Variants in MRC2 observed in about 807,000 individuals in gnomAD.
MRC2 encodes C-type mannose receptor 2.
A neutral mutation model predicts 206.2 loss-of-function variants in MRC2; 84 were observed. The observed-to-expected ratio is 0.41, with a 90% CI of 0.34 to 0.49. The LOEUF is 0.49. Among genes scored for constraint, MRC2 ranks in the 20% least tolerant of loss-of-function variants. The pLI is 0.31. For missense variants in MRC2, 1,676 were observed against 2,001.5 expected (o/e 0.84, Z 3.10); for synonymous variants, 798 against 800.0 (o/e 1.00, Z 0.04).
rs747114767 is a variant in MRC2 at position 62,688,639 on chromosome 17, G to A, written c.3200G>A (p.Ser1067Asn). ...NWAPGEPSGP[S>N]PAPSGNKPTS... The stretch of plus-strand genomic sequence containing the variant: ...GCACCTGGGGAGCCCTCTGGCCCTA[G>A]CCCTGCTCCCAGTGGCAACAAACCG... Residue 1067 changes from serine to asparagine, a missense_variant, in exon 22 of 30, where the codon AGC becomes AAC. Physicochemically the swap from Ser to Asn is conservative, Grantham distance 46 (BLOSUM62 1). Transcript: ENST00000303375. 5.0e-6 allele frequency: 8 copies of A among 1,613,988 alleles called. No homozygotes were observed. The highest frequency in any genetic ancestry group is 6.8e-6 in the Non-Finnish European group (8 of 1,179,994).
chr17:62,687,496 G>C (rs994137412), intron 20 of MRC2, among the ~76,000 whole-genome samples: 1 of 152,190 alleles, frequency 6.6e-6, no homozygotes, highest in African/African-American at 2.4e-5. Context: ...CCTCTGAGCA[G>C]AAAATCATTA....
At position 62,672,062 on chromosome 17, in the gene MRC2, C is replaced by T. The variant is rs200268011; in HGVS notation, c.1371C>T (p.Asp457=). The T allele has an allele frequency of 2.7e-5, 44 of 1,614,110 alleles. No homozygotes were observed. Among genetic ancestry groups the T allele is most frequent in the African/African-American group, 4.0e-5 (3 of 75,010 alleles). Residue 457 remains aspartate, a synonymous_variant, in exon 8 of 30, where the codon GAC becomes GAT. Transcript: ENST00000303375. This position sits in a 1 kb window ranked among gnomAD's most constrained non-coding sequence, Gnocchi z 4.5. ...TGCAGATGAATTTTGAGTGGTCTGA[C>T]GGGAGCCTTGTGAGCTTCACCCACT... is the stretch of plus-strand genomic sequence containing the variant. ...LKLQMNFEWS[D]GSLVSFTHWH...
rs2089136053 is a variant in MRC2 at position 62,693,569 on chromosome 17, A to G, written c.*1118A>G. 1 of 152,448 alleles carries G rather than the reference A, an allele frequency of 6.6e-6. No individual in the cohort carries two copies. Among genetic ancestry groups the G allele is most frequent in the Admixed American group, 6.5e-5 (1 of 15,282 alleles). 9.4% of individuals were successfully genotyped at this position (152,448 alleles called of 1,614,324 possible). ...AAGGAAAAAAGAAAAGCAAACAAAT[A>G]AAACACCTTTAAGAGGCTTGAAAGA... On this transcript the variant is annotated 3_prime_UTR_variant, in exon 30 of 30. Transcript: ENST00000303375.
In MRC2 at chr17:62,672,689, C is replaced by A. The variant is rs2088841160; in HGVS notation, c.1461+537C>A. Among the ~76,000 whole-genome samples the A allele has an allele frequency of 6.6e-6, 1 of 151,984 alleles. No individual in the cohort carries two copies. Among genetic ancestry groups the A allele is most frequent in the Non-Finnish European group, 1.5e-5 (1 of 68,006 alleles). ...AGGGCTTCAAGCAGAGATGAAAGAC[C>A]CTTAAAAAAGGGACAAAGCCAGCTG... On this transcript the variant is annotated intron_variant, in intron 8 of 29. Coordinates refer to ENST00000303375, the MANE Select transcript of MRC2 (RefSeq NM_006039.5). This position sits in a 1 kb window ranked among gnomAD's most constrained non-coding sequence, Gnocchi z 4.5.
chr17:62,641,870 T>G (rs987710341), intron 1 of MRC2, among the ~76,000 whole-genome samples: 1 of 149,164 alleles, frequency 6.7e-6, no homozygotes, highest in African/African-American at 2.5e-5. Context: ...TGTTAACATT[T>G]TGCCACATTT....
chr17:62,667,396 C>A lies in MRC2; in HGVS notation c.980C>A (p.Pro327Gln), dbSNP rs1598984602. The A allele has an allele frequency of 1.3e-6, 2 of 1,598,226 alleles. No homozygotes were observed. The highest frequency in any genetic ancestry group is 1.7e-6 in the Non-Finnish European group (2 of 1,173,910). The change falls in exon 6 of 30, where the codon CCG becomes CAG. Residue 327 changes from proline to glutamine, a missense_variant. This residue lies in a region of MRC2 where 1,354 missense variants were observed against 1,636.6 expected (regional missense o/e 0.83). Coordinates refer to ENST00000303375, the MANE Select transcript of MRC2 (RefSeq NM_006039.5). This position sits in a 1 kb window ranked among gnomAD's most constrained non-coding sequence, Gnocchi z 4.1. ...LKYLNWESDQ[P>Q]DNPSEENCGV... ...CGCCCTGCCCTCCCCACAGACCAGC[C>A]GGACAACCCCAGTGAGGAGAACTGT...
intron 1 of MRC2, among the ~76,000 whole-genome samples, chr17:62,645,500 TATATATATATATA>T (rs2088466211): frequency 7.3e-5 from 5 of 68,186 alleles, no homozygotes; most frequent in African/African-American, 2.9e-4. Flanking sequence ...GTATATATTA[TATATATATATATA>T]TATATATATA....
rs1412649532 is a variant in MRC2 at position 62,666,697 on chromosome 17, T to A, written c.860-60T>A. Reference sequence around the variant, plus strand: ...CGCTTGTGGGTTGGGGAGAGGGCGATGGGGAGCGGGGGAGGCTGGGGCTGG... The same window carrying A: ...CGCTTGTGGGTTGGGGAGAGGGCGAAGGGGAGCGGGGGAGGCTGGGGCTGG... On this transcript the variant is annotated intron_variant, in intron 4 of 29. Transcript: ENST00000303375. This position sits in a 1 kb window ranked among gnomAD's most constrained non-coding sequence, Gnocchi z 5.0. 1.1e-6 allele frequency: 1 copy of A among 897,030 alleles called. No homozygotes were observed. 55.6% of individuals were successfully genotyped at this position (897,030 alleles called of 1,614,324 possible).
chr17:62,692,319 C>T lies in MRC2; in HGVS notation c.4308C>T (p.Tyr1436=), dbSNP rs944442712. The change falls in exon 30 of 30, where the codon TAC becomes TAT. Residue 1436 remains tyrosine, a synonymous_variant. Coordinates refer to ENST00000303375, the MANE Select transcript of MRC2 (RefSeq NM_006039.5). The surrounding 1 kb of genome is among the most constrained non-coding windows in gnomAD (Gnocchi z 4.2). ...TGCTGACCGCAGCCCTCATCCTTTA[C>T]CGGAGGCGCCAGAGCATCGAGCGCG... ...LALLTAALIL[Y]RRRQSIERGA... 4 of 1,585,654 alleles carry T rather than the reference C, an allele frequency of 2.5e-6. No homozygotes were observed. The Admixed American group carries it at 7.3e-5, about 29-fold the overall frequency.
Position 62,664,412 on chromosome 17 carries a change from C to T in MRC2, c.119-136C>T. 1 of 1,000,738 alleles carries T rather than the reference C, an allele frequency of 1.0e-6. No individual in the cohort carries two copies. Among genetic ancestry groups the T allele is most frequent in the East Asian group, 2.4e-5 (1 of 41,740 alleles). 62.0% of individuals were successfully genotyped at this position (1,000,738 alleles called of 1,614,324 possible). On this transcript the variant is annotated intron_variant, in intron 1 of 29. Transcript: ENST00000303375. This position sits in a 1 kb window ranked among gnomAD's most constrained non-coding sequence, Gnocchi z 4.7. ...CACCTCAGAGGGTTGGTAGTGAGTA[C>T]CGAGTGATTTAACGTATGAGTGACG...
intron 1 of MRC2, among the ~76,000 whole-genome samples, chr17:62,647,371 G>A (rs1184829538): frequency 6.6e-6 from 1 of 151,800 alleles, no homozygotes; most frequent in Admixed American, 6.6e-5. Flanking sequence ...TTTTAGTTGA[G>A]AAGGGGTTTC....
chr17:62,651,913 C>G (rs868409968), intron 1 of MRC2, among the ~76,000 whole-genome samples: 18 of 152,216 alleles, frequency 1.2e-4, no homozygotes, highest in South Asian at 1.0e-3. Flanking sequence ...AGGAACTAAT[C>G]ATTCTGGTTG....
intron 13 of MRC2, 32 bp downstream of exon 13, chr17:62,678,678 G>A: frequency 6.3e-7 from 1 of 1,596,616 alleles, no homozygotes; most frequent in South Asian, 1.1e-5. Flanking sequence ...TGTTAGGAGG[G>A]CACCCGCACA....
chr17:62,670,333 C>T (rs1315436251), intron 6 of MRC2, among the ~76,000 whole-genome samples: 1 of 152,254 alleles, frequency 6.6e-6, no homozygotes. Flanking sequence ...TCTGGGGCGG[C>T]AGCCTCAGGT....
rs1404369102 is a variant in MRC2, at chr17:62,667,917, T to C, written c.1117+384T>C. Among the ~76,000 whole-genome samples, 1 of 151,972 alleles carries C rather than the reference T, an allele frequency of 6.6e-6. No homozygotes were observed. Among genetic ancestry groups the C allele is most frequent in the Non-Finnish European group, 1.5e-5 (1 of 68,008 alleles). On this transcript the variant is annotated intron_variant, in intron 6 of 29. Transcript: ENST00000303375. The surrounding 1 kb of genome is among the most constrained non-coding windows in gnomAD (Gnocchi z 4.1). ...TCAGCTTCTGAGAGTTAAGGAGGGG[T>C]TTATGGAAATAACATTTGATTTGGG... is the stretch of plus-strand genomic sequence containing the variant.
At position 62,677,336 on chromosome 17, in the gene MRC2, C is replaced by A; in HGVS notation, c.1902C>A (p.Asn634Lys). The change falls in exon 12 of 30, where the codon AAC (asparagine) becomes AAA (lysine). Residue 634 changes from asparagine (N) to lysine (K), a missense_variant. Asn to Lys is a moderately conservative substitution (Grantham distance 94). This residue lies in a region of MRC2 where 1,354 missense variants were observed against 1,636.6 expected (regional missense o/e 0.83). Coordinates refer to ENST00000303375, the MANE Select transcript of MRC2 (RefSeq NM_006039.5). The part of the protein sequence containing the change: ...GSAMGLWEVK[N>K]CTSFRARYIC... ...CCATGGGGCTGTGGGAGGTGAAGAA[C>A]TGTACCTCGTTCCGGGCCCGCTACA... 3 of 1,608,668 alleles carry A rather than the reference C, an allele frequency of 1.9e-6. No homozygotes were observed. Among genetic ancestry groups the A allele is most frequent in the Non-Finnish European group, 2.5e-6 (3 of 1,178,280 alleles).
At position 62,627,850 on chromosome 17, in the gene MRC2, G is replaced by T; in HGVS notation, c.48G>T (p.Leu16=). The T allele has an allele frequency of 2.7e-6, 4 of 1,479,092 alleles. No homozygotes were observed. The highest frequency in any genetic ancestry group is 3.6e-6 in the Non-Finnish European group (4 of 1,123,050). The allele number at this position is 1,479,092 out of a possible 1,614,324, so 91.6% of individuals were successfully genotyped here. ...CCGCGCCCTGGCCTCGTCACCTGCT[G>T]CGCTGCGTCCTGCTCCTCGGGTGCC... ...PAPAPWPRHL[L]RCVLLLGCLH... Residue 16 remains leucine (L), a synonymous_variant, in exon 1 of 30, where the codon CTG becomes CTT. Coordinates refer to ENST00000303375, the MANE Select transcript of MRC2 (RefSeq NM_006039.5).
intron 1 of MRC2, among the ~76,000 whole-genome samples, chr17:62,632,162 G>A (rs542129895): frequency 2.0e-5 from 3 of 152,126 alleles, no homozygotes; most frequent in Admixed American, 6.5e-5. Flanking sequence ...ACCAGTAAAC[G>A]GCAGCTGGAT....
In MRC2 at chr17:62,652,825, GC is replaced by G. The variant is rs2088572270; in HGVS notation, c.119-11722del. 6.8e-6 allele frequency among the ~76,000 whole-genome samples: 1 copy of G among 147,406 alleles called. No individual in the cohort carries two copies. Among genetic ancestry groups the G allele is most frequent in the South Asian group, 2.2e-4 (1 of 4,490 alleles). On this transcript the variant is annotated intron_variant, in intron 1 of 29. Coordinates refer to ENST00000303375, the MANE Select transcript of MRC2 (RefSeq NM_006039.5). This position sits in a 1 kb window ranked among gnomAD's most constrained non-coding sequence, Gnocchi z 4.6. Reference sequence around the variant, plus strand: ...TCGGTGGAGGGAGGGGCACACGGTGGCGGGGGGAGGGGCGTGCCGCAGATTG... The same window carrying G: ...TCGGTGGAGGGAGGGGCACACGGTGGGGGGGGAGGGGCGTGCCGCAGATTG...
Sources: gnomAD v4.1 joint callset for allele counts (sites outside exome capture counted in the v4.1 genomes callset) on GRCh38, gnomAD v4.1.1 for gene constraint, gnomAD v4.1.1 regional missense constraint, Gnocchi (gnomAD v3.1) non-coding constraint, MANE v1.5 for transcripts, NCBI Gene and HGNC (gene_info 2026-07-23, HGNC 2026-07-21) for gene names.